The following TUBGCP5 variants were observed in gnomAD, a reference collection of about 807,000 sequenced individuals.
TUBGCP5 encodes gamma-tubulin complex component 5.
A neutral mutation model predicts 134.7 loss-of-function variants in TUBGCP5; 98 were observed. The observed-to-expected ratio is 0.73, with a 90% CI of 0.62 to 0.86. The LOEUF is 0.86. Among genes scored for constraint, TUBGCP5 ranks in the 40% least tolerant of loss-of-function variants. The pLI is 0.00. For synonymous variants in TUBGCP5, 456 were observed against 431.4 expected (o/e 1.06, Z -0.71); for missense variants, 1,150 against 1,244.8 (o/e 0.92, Z 1.15).
chr15:22,988,739 A>AAC (rs1029120155), intron 23 of TUBGCP5, among the ~76,000 whole-genome samples: 4 of 150,640 alleles, frequency 2.7e-5, no homozygotes, highest in African/African-American at 9.8e-5. Context: ...CCGTCTCAAA[A>AAC]AAAAAAAAAA....
intron 8 of TUBGCP5, 26 bp from the exon 9 acceptor site, chr15:23,024,856 G>A (rs777871323): frequency 7.3e-7 from 1 of 1,362,364 alleles, no homozygotes; most frequent in Non-Finnish European, 1.0e-6. Context: ...AAAAAGACGA[G>A]TGTACTTTAA....
At chr15:23,002,986 G>A (rs1036148899) in intron 21 of TUBGCP5, 79 bp downstream of exon 21, 9 of 1,431,756 alleles carry the variant, frequency 6.3e-6, no homozygotes, top group Admixed American at 5.4e-5. Context: ...GAATGGCTGG[G>A]AAGACCCTGT....
chr15:23,024,185 T>C lies in TUBGCP5; in HGVS notation c.930A>G (p.Leu310=), dbSNP rs1271447191. The C allele has an allele frequency of 6.2e-6, 10 of 1,613,528 alleles. No homozygotes were observed. Among genetic ancestry groups the C allele is most frequent in the African/African-American group, 1.3e-5 (1 of 74,920 alleles). Residue 310 remains leucine (L), a synonymous_variant, in exon 10 of 23, where the codon TTA becomes TTG. Transcript: ENST00000615383. ...CTGCTATTTGTTCCAGCACAGATCG[T>C]AAACAGCTCTACAACACAAGCAAAC... The part of the protein sequence containing the change: ...IIVTHLTHSC[L]RSVLEQIAAY...
intron 1 of TUBGCP5, among the ~76,000 whole-genome samples, 197 bp downstream of exon 1, chr15:23,039,201 T>C (rs1348672134): frequency 6.6e-6 from 1 of 151,790 alleles, no homozygotes; most frequent in Non-Finnish European, 1.5e-5. Flanking sequence ...TAACACGCCC[T>C]GTGGTGCGCA....
intron 3 of TUBGCP5, among the ~76,000 whole-genome samples, chr15:23,033,756 C>T (rs567201716): frequency 3.9e-5 from 6 of 152,264 alleles, no homozygotes; most frequent in African/African-American, 1.2e-4. Flanking sequence ...TTAATCAGAT[C>T]GGTGAAAAAC....
chr15:23,026,244 C>T lies in TUBGCP5; in HGVS notation c.738-39G>A, dbSNP rs200064782. 2.7e-4 allele frequency: 420 copies of T among 1,550,990 alleles called. 3 individuals carry two copies. The African/African-American group carries it at 4.0e-3, about 15-fold the overall frequency. ...AACATAAATGTCAATAGAAAGGTTT[C>T]TAAGTAAGTAAATAACTTATCTCAA... On this transcript the variant is annotated intron_variant, in intron 7 of 22. Coordinates refer to ENST00000615383, the MANE Select transcript of TUBGCP5 (RefSeq NM_052903.6).
Position 23,016,969 on chromosome 15 carries a change from G to GATATATATATATAT in TUBGCP5, c.1756+790_1756+803dup, listed in dbSNP as rs57631069. Among the ~76,000 whole-genome samples the GATATATATATATAT allele has an allele frequency of 9.9e-3, 1,080 of 109,364 alleles. 61 individuals carry two copies. Among genetic ancestry groups the GATATATATATATAT allele is most frequent in the African/African-American group, 0.033 (911 of 27,772 alleles). 71.7% of individuals were successfully genotyped at this position (109,364 alleles called of 152,430 possible). On this transcript the variant is annotated intron_variant, in intron 13 of 22. Coordinates refer to ENST00000615383, the MANE Select transcript of TUBGCP5 (RefSeq NM_052903.6). ...AGATGAATGGGTAAAAAAATTGTGA[G>GATATATATATATAT]ATATATATATATATATATGTATATA...
intron 23 of TUBGCP5, among the ~76,000 whole-genome samples, chr15:22,993,541 T>G (rs2063930476): frequency 7.3e-6 from 1 of 137,412 alleles, no homozygotes; most frequent in Non-Finnish European, 1.6e-5. Context: ...TTTTTTTTTT[T>G]TTTTTTTTTT....
chr15:23,037,271 G>A (rs993545705), intron 1 of TUBGCP5, 119 bp from the exon 2 acceptor site: 3 of 947,150 alleles, frequency 3.2e-6, no homozygotes, highest in South Asian at 1.6e-5. Flanking sequence ...CCAGAATGGA[G>A]TGTACCTTGT....
At chr15:23,010,952 G>A (rs1355177469) in intron 14 of TUBGCP5, among the ~76,000 whole-genome samples, 181 bp downstream of exon 14, 1 of 151,238 alleles carries the variant, frequency 6.6e-6, no homozygotes, top group African/African-American at 2.4e-5. Context: ...CTACACTCCA[G>A]CCTGGGTGAC....
intron 16 of TUBGCP5, 128 bp from the exon 17 acceptor site, chr15:23,006,480 A>C: frequency 1.5e-6 from 1 of 689,272 alleles, no homozygotes; most frequent in African/African-American, 1.8e-5. Flanking sequence ...AAAGAAATGC[A>C]AACATTCCAA....
At chr15:22,990,628 C>T (rs1257466955) in intron 23 of TUBGCP5, among the ~76,000 whole-genome samples, 1 of 152,210 alleles carries the variant, frequency 6.6e-6, no homozygotes, top group Non-Finnish European at 1.5e-5. Context: ...CTTGGGCGCT[C>T]AGCTTCCAGA....
At chr15:23,022,984 T>TA in intron 10 of TUBGCP5, 1 of 152,206 alleles carries the variant, frequency 6.6e-6, no homozygotes, top group Admixed American at 6.6e-5. Context: ...TTCACAACAG[T>TA]AAAAATGTAT....
chr15:23,029,234 T>A (rs1567159836), intron 6 of TUBGCP5, among the ~76,000 whole-genome samples: 4 of 152,212 alleles, frequency 2.6e-5, no homozygotes, highest in South Asian at 4.1e-4. Flanking sequence ...TTATTTATTT[T>A]TTTTGAGATA....
chr15:23,026,729 T>G (rs1445023769), intron 7 of TUBGCP5, among the ~76,000 whole-genome samples: 3 of 152,056 alleles, frequency 2.0e-5, no homozygotes, highest in African/African-American at 4.8e-5. Context: ...GGACAGGAGT[T>G]CAAGACCAGC....
At chr15:23,032,098 G>T in intron 4 of TUBGCP5, 69 bp from the exon 5 acceptor site, 1 of 1,132,482 alleles carries the variant, frequency 8.8e-7, no homozygotes, top group Non-Finnish European at 1.3e-6. Context: ...TCAAAACTAA[G>T]GAAAAAAGAC....
chr15:23,030,290 A>G (rs2066231427), intron 6 of TUBGCP5, among the ~76,000 whole-genome samples: 2 of 152,168 alleles, frequency 1.3e-5, no homozygotes, highest in Non-Finnish European at 2.9e-5. Flanking sequence ...ACATAATACT[A>G]CAAAGCCACA....
chr15:22,999,781 T>G lies in TUBGCP5; in HGVS notation c.*39A>C. 6.2e-7 allele frequency: 1 copy of G among 1,601,366 alleles called. No individual in the cohort carries two copies. The highest frequency in any genetic ancestry group is 2.2e-5 in the East Asian group (1 of 44,816). ...TGCACATGGTGGAAATGTACATGTA[T>G]GATGACAAAGTCGGAGATATTTATT... On this transcript the variant is annotated 3_prime_UTR_variant, in exon 23 of 23. Coordinates refer to ENST00000615383, the MANE Select transcript of TUBGCP5 (RefSeq NM_052903.6).
chr15:23,002,062 G>C (rs201766385), intron 21 of TUBGCP5, among the ~76,000 whole-genome samples: 1 of 109,602 alleles, frequency 9.1e-6, no homozygotes, highest in Non-Finnish European at 1.8e-5. Context: ...ACATTTATTT[G>C]TAAAAAAAAC....
Sources: gnomAD v4.1 joint callset for allele counts (sites outside exome capture counted in the v4.1 genomes callset) on GRCh38, gnomAD v4.1.1 for gene constraint, MANE v1.5 for transcripts, NCBI Gene and HGNC (gene_info 2026-07-23, HGNC 2026-07-21) for gene names.